Variants in NUMA1 observed in about 807,000 individuals in gnomAD.
NUMA1 encodes the protein nuclear mitotic apparatus protein 1.
NUMA1 carries 62 observed loss-of-function variants against 237.1 expected under a neutral mutation model. That is an observed-to-expected ratio of 0.26 (90% CI 0.21 to 0.32). NUMA1 has a LOEUF of 0.32. NUMA1 is among the 10% of genes least tolerant of loss of function. The pLI is 1.00. For missense variants in NUMA1, 2,533 were observed against 2,666.5 expected (o/e 0.95, Z 1.10); for synonymous variants, 1,028 against 1,066.1 (o/e 0.96, Z 0.70).
Position 72,029,264 on chromosome 11 carries a change from A to G in NUMA1, c.69T>C (p.Pro23=). 6.2e-7 allele frequency: 1 copy of G among 1,609,934 alleles called. No individual in the cohort carries two copies. Among genetic ancestry groups the G allele is most frequent in the Non-Finnish European group, 8.5e-7 (1 of 1,179,702 alleles). ...CCTGGAGCTGCAGCACAGCCTCCAC[A>G]GGGTCAGCCACGTGTAGACTGTTCA... The part of the protein sequence containing the change: ...SWVNSLHVAD[P]VEAVLQLQDC... Residue 23 remains proline (P), a synonymous_variant, in exon 4 of 27, where the codon CCT becomes CCC. Transcript: ENST00000393695.
chr11:72,044,189 G>A (rs1941861023), intron 2 of NUMA1, among the ~76,000 whole-genome samples: 2 of 152,138 alleles, frequency 1.3e-5, no homozygotes, highest in Admixed American at 1.3e-4. Flanking sequence ...ACCACATGCT[G>A]CTAACTATTT....
intron 2 of NUMA1, among the ~76,000 whole-genome samples, chr11:72,052,386 G>A (rs1409669894): frequency 1.3e-5 from 2 of 152,194 alleles, no homozygotes; most frequent in South Asian, 2.1e-4. Flanking sequence ...AGCATTCTAG[G>A]CAGAGAAAAC....
intron 1 of NUMA1, among the ~76,000 whole-genome samples, chr11:72,070,864 T>G (rs1425407066): frequency 2.0e-5 from 3 of 152,244 alleles, no homozygotes; most frequent in Non-Finnish European, 4.4e-5. Flanking sequence ...ATTCAAATAT[T>G]TATGTAGTGT....
intron 16 of NUMA1, 52 bp from the exon 17 acceptor site, chr11:72,010,906 T>C: frequency 6.8e-7 from 1 of 1,480,014 alleles, no homozygotes; most frequent in Non-Finnish European, 9.4e-7. Flanking sequence ...CCCTGGATGT[T>C]CATCCTGGAT....
At chr11:72,024,050 T>C in intron 5 of NUMA1, 1 of 502,908 alleles carries the variant, frequency 2.0e-6, no homozygotes, top group South Asian at 2.6e-5. Flanking sequence ...CACCTAGATC[T>C]CCGAGAAGGG....
intron 2 of NUMA1, among the ~76,000 whole-genome samples, chr11:72,059,423 G>A (rs677279): frequency 0.89 from 134,840 of 152,144 alleles, 60,039 homozygotes; most frequent in Non-Finnish European, 0.95. Flanking sequence ...CTAAAGGTGC[G>A]CACCACCATA....
Position 72,013,492 on chromosome 11 carries a change from G to A in NUMA1, c.4011C>T (p.Phe1337=), listed in dbSNP as rs1187175863. The A allele has an allele frequency of 1.9e-6, 3 of 1,613,444 alleles. No homozygotes were observed. The South Asian group carries it at 3.3e-5, about 18-fold the overall frequency. ...GGGTGGAGAGGGCCTGCTCTTTCTG[G>A]AAGAACTTCTCCTGCCACGCCTTCA... ...QELKAWQEKF[F]QKEQALSTLQ... Residue 1337 remains phenylalanine, a synonymous_variant, in exon 15 of 27, where the codon TTC becomes TTT. Coordinates refer to ENST00000393695, the MANE Select transcript of NUMA1 (RefSeq NM_006185.4). This position sits in a 1 kb window ranked among gnomAD's most constrained non-coding sequence, Gnocchi z 6.8.
chr11:72,035,926 G>A lies in NUMA1; in HGVS notation c.18C>T (p.Thr6=). The change falls in exon 3 of 27, where the codon ACC becomes ACT. Residue 6 remains threonine (T), a synonymous_variant. Coordinates refer to ENST00000393695, the MANE Select transcript of NUMA1 (RefSeq NM_006185.4). ...CCCAAGAGAGGAGTGCAGCCCCCCGGGTGGCGTGGAGTGTCATCTTGGTGA... is the reference window on the plus strand; with the variant it reads ...CCCAAGAGAGGAGTGCAGCCCCCCGAGTGGCGTGGAGTGTCATCTTGGTGA... The part of the protein sequence containing the change: MTLHA[T]RGAALLSWVN... 1 of 1,614,014 alleles carries A rather than the reference G, an allele frequency of 6.2e-7. No individual in the cohort carries two copies. Among genetic ancestry groups the A allele is most frequent in the Non-Finnish European group, 8.5e-7 (1 of 1,179,986 alleles).
Position 72,024,331 on chromosome 11 carries a change from G to T in NUMA1, c.151C>A (p.Gln51Lys). ...DRIHGTEEGQ[Q>K]ILKQPVSERL... is the part of the protein sequence containing the mutation. ...TCTGACACCGGCTGCTTCAAGATTT[G>T]CTGTCCCTCTTCAGTGCCATGGCTA... Residue 51 changes from glutamine to lysine, a missense_variant, in exon 5 of 27, where the codon CAA becomes AAA. Coordinates refer to ENST00000393695, the MANE Select transcript of NUMA1 (RefSeq NM_006185.4). 6.2e-7 allele frequency: 1 copy of T among 1,614,184 alleles called. No homozygotes were observed. Among genetic ancestry groups the T allele is most frequent in the South Asian group, 1.1e-5 (1 of 91,090 alleles).
At chr11:72,008,449 A>G in intron 20 of NUMA1, 5 of 533,976 alleles carry the variant, frequency 9.4e-6, no homozygotes, top group Admixed American at 6.2e-5. Context: ...TCAACCTGGC[A>G]CACACACCTA....
Position 72,015,390 on chromosome 11 carries a change from G to T in NUMA1, c.2113C>A (p.Gln705Lys). 2 of 1,612,190 alleles carry T rather than the reference G, an allele frequency of 1.2e-6. No individual in the cohort carries two copies. The highest frequency in any genetic ancestry group is 1.7e-6 in the Non-Finnish European group (2 of 1,180,010). ...ACCTTCAAGGACTCTTTGAGGGCCT[G>T]GAGCTGCTCCTGGAGCTGGTCCTTC... ...QEKDQLQEQL[Q>K]ALKESLKVTK... The change falls in exon 15 of 27, where the codon CAG becomes AAG. Residue 705 changes from glutamine (Q) to lysine (K), a missense_variant. By Grantham distance (53) the Gln-to-Lys change is moderately conservative (BLOSUM62 1). Coordinates refer to ENST00000393695, the MANE Select transcript of NUMA1 (RefSeq NM_006185.4). The surrounding 1 kb of genome is among the most constrained non-coding windows in gnomAD (Gnocchi z 4.0).
chr11:72,064,825 C>T (rs1373557245), intron 2 of NUMA1, among the ~76,000 whole-genome samples: 2 of 131,192 alleles, frequency 1.5e-5, no homozygotes, highest in African/African-American at 5.8e-5. Flanking sequence ...AGAGTGAGAC[C>T]CTGTCTCAAA....
rs147316914 is a variant in NUMA1 at position 72,018,219 on chromosome 11, G to C, written c.942C>G (p.Asn314Lys). Residue 314 changes from asparagine (N) to lysine (K), a missense_variant, in exon 12 of 27, where the codon AAC becomes AAG. Coordinates refer to ENST00000393695, the MANE Select transcript of NUMA1 (RefSeq NM_006185.4). ...TEKSQMDRKI[N>K]QLSEENGDLS... ...GGTCTCCATTCTCCTCCGAAAGCTG[G>C]TTGATTTTGCGATCCATCTGGCTCT... 8 of 1,614,026 alleles carry C rather than the reference G, an allele frequency of 5.0e-6. No individual in the cohort carries two copies. In the African/African-American group the frequency reaches 1.1e-4, roughly 22 times the overall value.
intron 21 of NUMA1, among the ~76,000 whole-genome samples, chr11:72,006,749 C>T (rs542721851): frequency 5.3e-5 from 8 of 152,264 alleles, no homozygotes; most frequent in Non-Finnish European, 8.8e-5. Context: ...CACACAGGTC[C>T]CCCCTGCTGT....
rs1298182589 is a variant in NUMA1, at chr11:72,013,171, A to G, written c.4332T>C (p.His1444=). 3 of 1,613,624 alleles carry G rather than the reference A, an allele frequency of 1.9e-6. No homozygotes were observed. The highest frequency in any genetic ancestry group is 2.5e-6 in the Non-Finnish European group (3 of 1,180,026). The change falls in exon 15 of 27, where the codon CAT becomes CAC. Residue 1444 remains histidine, a synonymous_variant. Transcript: ENST00000393695. The surrounding 1 kb of genome is among the most constrained non-coding windows in gnomAD (Gnocchi z 6.8). ...AEQLSMLKKA[H]GLLAEENRGL... ...CCCGGTTCTCCTCTGCCAGCAGGCC[A>G]TGCGCCTTCTTCAGCATGCTCAGCT...
Position 72,070,950 on chromosome 11 carries a change from G to T in NUMA1, c.-102-1039C>A, listed in dbSNP as rs533189321. 3.9e-5 allele frequency among the ~76,000 whole-genome samples: 6 copies of T among 152,276 alleles called. No homozygotes were observed. In the South Asian group the frequency reaches 1.2e-3, roughly 32 times the overall value. ...TTGCAAATGAGAAAACTTCCCCAAG[G>T]TTAGGTAACTGGCAAAATGCTGGGC... On this transcript the variant is annotated intron_variant, in intron 1 of 26. Transcript: ENST00000393695.
intron 3 of NUMA1, among the ~76,000 whole-genome samples, chr11:72,033,793 G>A (rs1940653367): frequency 6.6e-6 from 1 of 152,120 alleles, no homozygotes; most frequent in Non-Finnish European, 1.5e-5. Flanking sequence ...GGTCAAGGCG[G>A]GTGGATCACT....
Position 72,012,881 on chromosome 11 carries a change from G to A in NUMA1, c.4608+14C>T. On this transcript the variant is annotated intron_variant, in intron 15 of 26. Coordinates refer to ENST00000393695, the MANE Select transcript of NUMA1 (RefSeq NM_006185.4). The stretch of plus-strand genomic sequence containing the variant: ...TCCTGATCTTTGGGAGGGTGGTTGG[G>A]CTGAGTACCTTACCTGGGCAGTGAG... The A allele has an allele frequency of 2.5e-6, 4 of 1,610,670 alleles. No homozygotes were observed. Among genetic ancestry groups the A allele is most frequent in the Non-Finnish European group, 3.4e-6 (4 of 1,177,868 alleles).
chr11:72,003,513 C>G lies in NUMA1; in HGVS notation c.*14G>C, dbSNP rs148825653. 150 of 1,614,024 alleles carry G rather than the reference C, an allele frequency of 9.3e-5. No individual in the cohort carries two copies. In the East Asian group the frequency reaches 3.1e-3, roughly 33 times the overall value. On this transcript the variant is annotated 3_prime_UTR_variant, in exon 27 of 27. Transcript: ENST00000393695. ...TCGGGGACACAGGTGGGGCCACTCACTGGTACTGGCCCTTTAGTGCTTTGC... is the reference window on the plus strand; with the variant it reads ...TCGGGGACACAGGTGGGGCCACTCAGTGGTACTGGCCCTTTAGTGCTTTGC...
Sources: gnomAD v4.1 joint callset for allele counts (sites outside exome capture counted in the v4.1 genomes callset) on GRCh38, gnomAD v4.1.1 for gene constraint, Gnocchi (gnomAD v3.1) non-coding constraint, MANE v1.5 for transcripts, NCBI Gene and HGNC (gene_info 2026-07-23, HGNC 2026-07-21) for gene names.